PLPP1: variants seen among roughly 807,000 people sequenced by gnomAD.
The protein encoded by PLPP1 is phospholipid phosphatase 1, also known as lipid phosphate phosphohydrolase 1a.
PLPP1 carries 24 observed loss-of-function variants against 31.2 expected under a neutral mutation model. That is an observed-to-expected ratio of 0.77 (90% CI 0.56 to 1.08). The LOEUF is 1.08. Among genes scored for constraint, PLPP1 ranks in the 50% least tolerant of loss-of-function variants. PLPP1 has a pLI of 0.00. For missense variants in PLPP1, 319 were observed against 342.7 expected (o/e 0.93, Z 0.55); for synonymous variants, 146 against 126.3 (o/e 1.16, Z -1.05).
intron 4 of PLPP1, 94 bp downstream of exon 4, chr5:55,441,757 G>T: frequency 7.6e-7 from 1 of 1,313,928 alleles, no homozygotes; most frequent in Non-Finnish European, 1.1e-6. Context: ...TTTTGCTACT[G>T]GCTAATTTAT....
chr5:55,491,501 A>G (rs973369550), intron 1 of PLPP1, among the ~76,000 whole-genome samples: 1 of 152,236 alleles, frequency 6.6e-6, no homozygotes, highest in Non-Finnish European at 1.5e-5. Context: ...TGTTTAAGAA[A>G]AAAGGCAAAA....
At chr5:55,509,966 A>G (rs752846588) in intron 1 of PLPP1, among the ~76,000 whole-genome samples, 7 of 152,202 alleles carry the variant, frequency 4.6e-5, no homozygotes, top group Non-Finnish European at 8.8e-5. Context: ...CGTGATTTTT[A>G]TATGTCAAAA....
intron 1 of PLPP1, among the ~76,000 whole-genome samples, chr5:55,477,978 T>A (rs1398993382): frequency 1.4e-5 from 2 of 145,214 alleles, no homozygotes; most frequent in African/African-American, 5.1e-5. Flanking sequence ...ACACTCTGTC[T>A]TAAAAAAAAA....
intron 3 of PLPP1, among the ~76,000 whole-genome samples, chr5:55,466,479 G>A (rs1752297684): frequency 6.6e-6 from 1 of 152,172 alleles, no homozygotes; most frequent in Non-Finnish European, 1.5e-5. Context: ...GAGGCAGGCG[G>A]ATCACCTGAG....
intron 3 of PLPP1, among the ~76,000 whole-genome samples, chr5:55,444,743 T>TTGTGTG (rs1554037412): frequency 1.5e-4 from 21 of 137,374 alleles, no homozygotes; most frequent in African/African-American, 5.4e-4. Flanking sequence ...GGATTCTATT[T>TTGTGTG]TGTGTGTGTG....
At chr5:55,467,188 C>A (rs1752320788) in intron 3 of PLPP1, among the ~76,000 whole-genome samples, 1 of 152,138 alleles carries the variant, frequency 6.6e-6, no homozygotes, top group Non-Finnish European at 1.5e-5. Flanking sequence ...ACTAAGAATA[C>A]TAAGATCTAG....
At chr5:55,442,530 T>TAGTC (rs1751646661) in intron 3 of PLPP1, among the ~76,000 whole-genome samples, 2 of 151,974 alleles carry the variant, frequency 1.3e-5, no homozygotes, top group South Asian at 4.2e-4. Context: ...CGTGTGCCTG[T>TAGTC]AGTCCCAGCT....
intron 1 of PLPP1, among the ~76,000 whole-genome samples, chr5:55,497,350 A>G (rs1753024865): frequency 6.6e-6 from 1 of 151,930 alleles, no homozygotes; most frequent in African/African-American, 2.4e-5. Context: ...GGCTCAGGCA[A>G]TCCTCTCACC....
At chr5:55,458,915 A>AAAAAAAAAAAAAAAAAC (rs1561231077) in intron 3 of PLPP1, among the ~76,000 whole-genome samples, 2 of 148,950 alleles carry the variant, frequency 1.3e-5, no homozygotes, top group African/African-American at 5.0e-5. Flanking sequence ...AAAAAAAAAA[A>AAAAAAAAAAAAAAAAAC]ACACATAGCA....
chr5:55,515,942 T>C (rs1753546886), intron 1 of PLPP1, among the ~76,000 whole-genome samples: 1 of 152,092 alleles, frequency 6.6e-6, no homozygotes, highest in Admixed American at 6.6e-5. Flanking sequence ...ACTTGGTACT[T>C]CCACTTAAAT....
At chr5:55,443,746 A>G (rs976070557) in intron 3 of PLPP1, among the ~76,000 whole-genome samples, 2 of 152,222 alleles carry the variant, frequency 1.3e-5, no homozygotes, top group Non-Finnish European at 2.9e-5. Flanking sequence ...AAAAACAGAT[A>G]TTTTATTCAG....
At chr5:55,443,192 A>AAAAAAAAAAAAATATATAT in intron 3 of PLPP1, among the ~76,000 whole-genome samples, 59 of 25,386 alleles carry the variant, frequency 2.3e-3, no homozygotes, top group South Asian at 5.0e-3. Flanking sequence ...AAAAAAAAAA[A>AAAAAAAAAAAAATATATAT]ATATATATAT....
intron 1 of PLPP1, among the ~76,000 whole-genome samples, chr5:55,530,997 C>A (rs750714890): frequency 2.0e-5 from 3 of 152,100 alleles, no homozygotes; most frequent in Admixed American, 6.5e-5. Context: ...AACAACATCG[C>A]GCCTTTCATA....
At chr5:55,497,266 G>C (rs575927973) in intron 1 of PLPP1, among the ~76,000 whole-genome samples, 2 of 152,154 alleles carry the variant, frequency 1.3e-5, no homozygotes, top group East Asian at 3.9e-4. Context: ...TTTTTTAAGA[G>C]ACTGGGTCTT....
chr5:55,464,047 A>C (rs1752229252), intron 3 of PLPP1, among the ~76,000 whole-genome samples: 4 of 152,028 alleles, frequency 2.6e-5, no homozygotes, highest in African/African-American at 9.7e-5. Flanking sequence ...CTGGTCATTA[A>C]GGAAATATAA....
chr5:55,522,260 G>A (rs1305168049), intron 1 of PLPP1, among the ~76,000 whole-genome samples: 9 of 152,144 alleles, frequency 5.9e-5, no homozygotes, highest in African/African-American at 1.7e-4. Flanking sequence ...CTATAACAAC[G>A]CTATTTGAAG....
Position 55,468,125 on chromosome 5 carries a change from C to G in PLPP1, c.235G>C (p.Val79Leu). ...IVIILGETLS[V>L]YCNLLHSNSF... is the part of the protein sequence containing the mutation. ...TTTGAGTGCAAAAGGTTACAGTAAACAGACAGGGTTTCTCCAAGAATAATC... is the reference window on the plus strand; with the variant it reads ...TTTGAGTGCAAAAGGTTACAGTAAAGAGACAGGGTTTCTCCAAGAATAATC... Residue 79 changes from valine (V) to leucine (L), a missense_variant, in exon 3 of 6, where the codon GTT (valine) becomes CTT (leucine). Coordinates refer to ENST00000307259, the MANE Select transcript of PLPP1 (RefSeq NM_003711.4). The G allele has an allele frequency of 6.2e-7, 1 of 1,602,560 alleles. No individual in the cohort carries two copies. The highest frequency in any genetic ancestry group is 8.5e-7 in the Non-Finnish European group (1 of 1,173,620).
At chr5:55,428,605 A>G (rs1188849225) in intron 4 of PLPP1, among the ~76,000 whole-genome samples, 1 of 152,210 alleles carries the variant, frequency 6.6e-6, no homozygotes, top group African/African-American at 2.4e-5. Context: ...CCTTTAAAAG[A>G]AAGTCTATTA....
intron 1 of PLPP1, among the ~76,000 whole-genome samples, chr5:55,506,576 GAAACCTC>G (rs1753284013): frequency 1.3e-5 from 2 of 152,162 alleles, no homozygotes; most frequent in African/African-American, 4.8e-5. Context: ...GAGAAATGTT[GAAACCTC>G]AGCAAAATGT....
Sources: allele counts gnomAD v4.1 joint callset (sites outside exome capture counted in the v4.1 genomes callset), GRCh38; gene constraint gnomAD v4.1.1; transcripts MANE v1.5; gene names NCBI Gene and HGNC (gene_info 2026-07-23, HGNC 2026-07-21).